Variants in TERF2IP observed in about 807,000 individuals in gnomAD.
TERF2IP encodes the protein telomeric repeat-binding factor 2-interacting protein 1.
In TERF2IP, 35 loss-of-function variants were observed where a neutral mutation model predicts 33.3. That is an observed-to-expected ratio of 1.05 (90% confidence interval 0.80 to 1.39). TERF2IP has a LOEUF of 1.39. TERF2IP is among the 40% of genes most tolerant of loss of function. The pLI is 0.00. For synonymous variants in TERF2IP, 253 were observed against 223.2 expected (o/e 1.13, Z -1.19); for missense variants, 583 against 524.8 (o/e 1.11, Z -1.08).
In TERF2IP at chr16:75,654,281, A is replaced by G; in HGVS notation, c.679A>G (p.Asn227Asp). ...PEAADSGEPQNKRTPDLPEEE... is the reference protein window; with the variant it reads ...PEAADSGEPQDKRTPDLPEEE... ...GTTCTTCTCTTTAACAGAACCACAG[A>G]ATAAGAGAACTCCAGATTTGCCTGA... The change falls in exon 2 of 3, where the codon AAT becomes GAT. Residue 227 changes from asparagine to aspartate, a missense_variant. Asn to Asp is a conservative substitution (Grantham distance 23). Coordinates refer to ENST00000300086, the MANE Select transcript of TERF2IP (RefSeq NM_018975.4). 1 of 1,613,542 alleles carries G rather than the reference A, an allele frequency of 6.2e-7. No individual in the cohort carries two copies. The highest frequency in any genetic ancestry group is 2.2e-5 in the East Asian group (1 of 44,852).
Position 75,656,196 on chromosome 16 carries a change from A to G in TERF2IP, c.796-11A>G, listed in dbSNP as rs1466264563. 1.3e-6 allele frequency: 2 copies of G among 1,577,534 alleles called. No individual in the cohort carries two copies. Among genetic ancestry groups the G allele is most frequent in the Non-Finnish European group, 8.6e-7 (1 of 1,163,316 alleles). ...TGATTAGGAGCTGGTTTTACTCATC[A>G]TTCTGTCTAGGTGGATGAGAGCCCT... On this transcript the variant is annotated splice_polypyrimidine_tract_variant and intron_variant, in intron 2 of 2. Transcript: ENST00000300086.
At position 75,656,668 on chromosome 16, in the gene TERF2IP, T is replaced by A; in HGVS notation, c.*57T>A. On this transcript the variant is annotated 3_prime_UTR_variant, in exon 3 of 3. Coordinates refer to ENST00000300086, the MANE Select transcript of TERF2IP (RefSeq NM_018975.4). ...TGGTAGGTGAGGTGGTTAAAAAAAATTGTGACCAATGAACTTTAGAGAGTT... is the reference window on the plus strand; with the variant it reads ...TGGTAGGTGAGGTGGTTAAAAAAAAATGTGACCAATGAACTTTAGAGAGTT... The A allele has an allele frequency of 6.7e-7, 1 of 1,482,262 alleles. No individual in the cohort carries two copies. The highest frequency in any genetic ancestry group is 9.1e-7 in the Non-Finnish European group (1 of 1,100,700). The allele number at this position is 1,482,262 out of a possible 1,614,324, so 91.8% of individuals were successfully genotyped here.
chr16:75,650,736 C>T lies in TERF2IP; in HGVS notation c.670+2184C>T, dbSNP rs1398279736. ...TTTTTTTGTAGAGACAGGATTTGGC[C>T]GTGTTGCCCAGGCTGGTCTCGAACT... On this transcript the variant is annotated intron_variant, in intron 1 of 2. Transcript: ENST00000300086. Among the ~76,000 whole-genome samples, 7 of 151,950 alleles carry T rather than the reference C, an allele frequency of 4.6e-5. No individual in the cohort carries two copies. The East Asian group carries it at 7.7e-4, about 17-fold the overall frequency.
At chr16:75,649,451 G>A (rs1019563072) in intron 1 of TERF2IP, among the ~76,000 whole-genome samples, 5 of 152,006 alleles carry the variant, frequency 3.3e-5, no homozygotes, top group Non-Finnish European at 5.9e-5. Flanking sequence ...GGCTGAGGCA[G>A]GAGAATTGCT....
Position 75,656,724 on chromosome 16 carries a change from C to T in TERF2IP, c.*113C>T. On this transcript the variant is annotated 3_prime_UTR_variant, in exon 3 of 3. Transcript: ENST00000300086. The stretch of plus-strand genomic sequence containing the variant: ...ATTGGAACTGGCACTTATTTTCTGA[C>T]CATCGCTGCTGTTGCTCTGTGAGTC... 3 of 1,005,208 alleles carry T rather than the reference C, an allele frequency of 3.0e-6. No individual in the cohort carries two copies. In the South Asian group the frequency reaches 5.1e-5, roughly 17 times the overall value. The allele number at this position is 1,005,208 out of a possible 1,614,324, so 62.3% of individuals were successfully genotyped here.
intron 1 of TERF2IP, 89 bp from the exon 2 acceptor site, chr16:75,654,174 GTGCAGGCTCA>G: frequency 2.4e-6 from 1 of 425,018 alleles, no homozygotes; most frequent in Non-Finnish European, 3.4e-6. Flanking sequence ...AAAAAAAAAA[GTGCAGGCTCA>G]CTCCTGGCCC....
chr16:75,650,371 G>T (rs1190734306), intron 1 of TERF2IP, among the ~76,000 whole-genome samples: 1 of 152,168 alleles, frequency 6.6e-6, no homozygotes, highest in Admixed American at 6.5e-5. Flanking sequence ...CAGGGCAATC[G>T]CCCTTAGGTG....
Position 75,656,209 on chromosome 16 carries a change from G to C in TERF2IP, c.798G>C (p.Val266=), listed in dbSNP as rs772292165. The part of the protein sequence containing the change: ...EATREFEEVV[V]DESPPDFEIH... ...GTTTTACTCATCATTCTGTCTAGGT[G>C]GATGAGAGCCCTCCTGATTTTGAAA... Residue 266 remains valine, a splice_region_variant and synonymous_variant, in exon 3 of 3, where the codon GTG becomes GTC. Coordinates refer to ENST00000300086, the MANE Select transcript of TERF2IP (RefSeq NM_018975.4). The C allele has an allele frequency of 6.2e-7, 1 of 1,603,200 alleles. No individual in the cohort carries two copies. Among genetic ancestry groups the C allele is most frequent in the Admixed American group, 1.7e-5 (1 of 58,412 alleles).
In TERF2IP at chr16:75,656,410, A is replaced by C. The variant is rs753701075; in HGVS notation, c.999A>C (p.Thr333=). 1.4e-5 allele frequency: 23 copies of C among 1,614,210 alleles called. No homozygotes were observed. The highest frequency in any genetic ancestry group is 1.9e-5 in the Non-Finnish European group (23 of 1,180,020). Residue 333 remains threonine (T), a synonymous_variant, in exon 3 of 3, where the codon ACA becomes ACC. Transcript: ENST00000300086. ...EKFNLDLSTV[T]QAFLKNSGEL... is the part of the protein sequence containing the mutation. ...TTAACTTGGATCTATCAACAGTTAC[A>C]CAGGCCTTCCTAAAAAATAGTGGTG...
Position 75,656,367 on chromosome 16 carries a change from G to A in TERF2IP, c.956G>A (p.Arg319Gln), listed in dbSNP as rs75741627. The A allele has an allele frequency of 6.2e-6, 10 of 1,613,998 alleles. No individual in the cohort carries two copies. Among genetic ancestry groups the A allele is most frequent in the Middle Eastern group, 1.6e-4 (1 of 6,084 alleles). ...GTGGGAGCTGCCATTAAGATCATTC[G>A]GCAGTTAATGGAGAAGTTTAACTTG... ...PEVGAAIKIIRQLMEKFNLDL... is the reference protein window; with the variant it reads ...PEVGAAIKIIQQLMEKFNLDL... The change falls in exon 3 of 3, where the codon CGG (arginine) becomes CAG (glutamine). Residue 319 changes from arginine (R) to glutamine (Q), a missense_variant. Coordinates refer to ENST00000300086, the MANE Select transcript of TERF2IP (RefSeq NM_018975.4).
intron 1 of TERF2IP, among the ~76,000 whole-genome samples, chr16:75,652,714 T>C (rs1424220701): frequency 6.6e-6 from 1 of 152,208 alleles, no homozygotes; most frequent in Non-Finnish European, 1.5e-5. Context: ...TGTGGTAAAA[T>C]GTATATACCG....
In TERF2IP at chr16:75,654,349, A is replaced by C. The variant is rs1216453748; in HGVS notation, c.747A>C (p.Ala249=). The C allele has an allele frequency of 1.9e-6, 3 of 1,613,898 alleles. No individual in the cohort carries two copies. Among genetic ancestry groups the C allele is most frequent in the African/African-American group, 1.3e-5 (1 of 74,944 alleles). The part of the protein sequence containing the change: ...VKEEIQENEE[A]VKKMLVEATR... Reference sequence around the variant, plus strand: ...AAGAAATCCAGGAGAATGAAGAAGCAGTCAAAAAGATGCTTGTGGAAGCCA... The same window carrying C: ...AAGAAATCCAGGAGAATGAAGAAGCCGTCAAAAAGATGCTTGTGGAAGCCA... The change falls in exon 2 of 3, where the codon GCA becomes GCC. Residue 249 remains alanine (A), a synonymous_variant. Coordinates refer to ENST00000300086, the MANE Select transcript of TERF2IP (RefSeq NM_018975.4).
chr16:75,656,212 T>C lies in TERF2IP; in HGVS notation c.801T>C (p.Asp267=). The change falls in exon 3 of 3, where the codon GAT becomes GAC. Residue 267 remains aspartate (D), a synonymous_variant. Coordinates refer to ENST00000300086, the MANE Select transcript of TERF2IP (RefSeq NM_018975.4). ...TTACTCATCATTCTGTCTAGGTGGA[T>C]GAGAGCCCTCCTGATTTTGAAATAC... ...ATREFEEVVV[D]ESPPDFEIHI... 6.2e-7 allele frequency: 1 copy of C among 1,604,962 alleles called. No individual in the cohort carries two copies. Among genetic ancestry groups the C allele is most frequent in the Non-Finnish European group, 8.5e-7 (1 of 1,175,316 alleles).
At position 75,648,736 on chromosome 16, in the gene TERF2IP, C is replaced by CT. The variant is rs568968070; in HGVS notation, c.670+191dup. 4.5e-4 allele frequency: 632 copies of CT among 1,420,016 alleles called. 1 individual carries two copies. Among genetic ancestry groups the CT allele is most frequent in the Non-Finnish European group, 4.3e-4 (473 of 1,088,736 alleles). 88.0% of individuals were successfully genotyped at this position (1,420,016 alleles called of 1,614,324 possible). A position where few individuals can be genotyped will look rare whatever the true frequency, so the allele number is the denominator to read the frequency against. ...CGCTCCCTTGTTGTTTATTATTGTT[C>CT]TTTTTTTGCGATGGGTCTCTGTTAC... On this transcript the variant is annotated intron_variant, in intron 1 of 2. Transcript: ENST00000300086.
At position 75,647,858 on chromosome 16, in the gene TERF2IP, C is replaced by A. The variant is rs2233810; in HGVS notation, c.-25C>A. ...GCCAGGCGCTCGCGAGGGGGTAGCT[C>A]TTCTAGTAGTGCTCGGCGTCAGACA... is the stretch of plus-strand genomic sequence containing the variant. On this transcript the variant is annotated 5_prime_UTR_variant, in exon 1 of 3. Coordinates refer to ENST00000300086, the MANE Select transcript of TERF2IP (RefSeq NM_018975.4). The A allele has an allele frequency of 0.042, 67,317 of 1,601,202 alleles. 1,616 individuals are homozygous for A. The highest frequency in any genetic ancestry group is 0.054 in the African/African-American group (4,020 of 74,696).
rs976930888 is a variant in TERF2IP, at chr16:75,653,334, C to T, written c.671-939C>T. Among the ~76,000 whole-genome samples, 7 of 151,974 alleles carry T rather than the reference C, an allele frequency of 4.6e-5. No homozygotes were observed. The South Asian group carries it at 6.2e-4, about 14-fold the overall frequency. Reference sequence around the variant, plus strand: ...ATTTTATGTTTAATTTTTTCTTTTTCCTTGTGGGTTGTCATCATGAAATTA... The same window carrying T: ...ATTTTATGTTTAATTTTTTCTTTTTTCTTGTGGGTTGTCATCATGAAATTA... On this transcript the variant is annotated intron_variant, in intron 1 of 2. Transcript: ENST00000300086.
intron 2 of TERF2IP, among the ~76,000 whole-genome samples, chr16:75,654,722 T>C (rs1477275067): frequency 1.3e-5 from 2 of 152,200 alleles, no homozygotes; most frequent in Non-Finnish European, 2.9e-5. Context: ...AAAAAGTTTA[T>C]AGTAATTGTT....
At chr16:75,655,471 T>A (rs921215626) in intron 2 of TERF2IP, among the ~76,000 whole-genome samples, 1 of 152,182 alleles carries the variant, frequency 6.6e-6, no homozygotes, top group African/African-American at 2.4e-5. Flanking sequence ...GGGAAATAAT[T>A]TAAAGCTTCT....
At chr16:75,650,557 AT>A (rs1388355214) in intron 1 of TERF2IP, among the ~76,000 whole-genome samples, 1 of 151,952 alleles carries the variant, frequency 6.6e-6, no homozygotes, top group Non-Finnish European at 1.5e-5. Flanking sequence ...ATATCTTGAG[AT>A]GGGGTCTTGC....
Sources: gnomAD v4.1 joint callset for allele counts (sites outside exome capture counted in the v4.1 genomes callset) on GRCh38, gnomAD v4.1.1 for gene constraint, MANE v1.5 for transcripts, NCBI Gene and HGNC (gene_info 2026-07-23, HGNC 2026-07-21) for gene names.